The following GPRIN2 variants were observed in gnomAD, a reference collection of about 807,000 sequenced individuals.
GPRIN2 encodes the protein G protein-regulated inducer of neurite outgrowth 2.
In GPRIN2, 1 loss-of-function variant was observed where a neutral mutation model predicts 0.3. The observed-to-expected ratio is 3.90, with a 90% CI of 1.39 to 18.51. The LOEUF (loss-of-function observed/expected upper bound fraction) is 18.51. Ranked by LOEUF, GPRIN2 falls within the 30% of genes most tolerant of loss-of-function variation. The pLI is 0.11. For missense variants in GPRIN2, 880 were observed against 604.2 expected (o/e 1.46, Z -4.79); for synonymous variants, 361 against 258.6 (o/e 1.40, Z -3.80).
chr10:46,556,541 C>T lies in GPRIN2; in HGVS notation c.-161G>A, dbSNP rs1429087192. 1.3e-5 allele frequency among the ~76,000 whole-genome samples: 2 copies of T among 152,240 alleles called. No individual in the cohort carries two copies. The highest frequency in any genetic ancestry group is 4.8e-5 in the African/African-American group (2 of 41,466). On this transcript the variant is annotated 5_prime_UTR_variant, in exon 1 of 3. Transcript: ENST00000374314. ...CGCGCAGGCGGGGGAAGCGCTGCTC[C>T]TGCGGCCGCCACAGGTGCCAGGTGC... is the stretch of plus-strand genomic sequence containing the variant.
chr10:46,550,975 T>C (rs1464615997), intron 2 of GPRIN2, among the ~76,000 whole-genome samples: 4 of 152,306 alleles, frequency 2.6e-5, no homozygotes, highest in South Asian at 4.1e-4. Context: ...TCATCATCAG[T>C]CTCAAGCAGT....
rs1383173545 is a variant in GPRIN2, at chr10:46,542,852, G to T, written c.*6508C>A. Among the ~76,000 whole-genome samples, 1 of 152,310 alleles carries T rather than the reference G, an allele frequency of 6.6e-6. No homozygotes were observed. Among genetic ancestry groups the T allele is most frequent in the African/African-American group, 2.4e-5 (1 of 41,486 alleles). ...AACCCAATTACAAGCCATGCAAGAA[G>T]ATTCTGAAAACATGGATGAGGAGAT... is the stretch of plus-strand genomic sequence containing the variant. On this transcript the variant is annotated 3_prime_UTR_variant, in exon 3 of 3. Coordinates refer to ENST00000374314, the MANE Select transcript of GPRIN2 (RefSeq NM_001385282.1).
chr10:46,554,279 T>G (rs1314395411), intron 2 of GPRIN2, among the ~76,000 whole-genome samples: 1 of 152,312 alleles, frequency 6.6e-6, no homozygotes, highest in East Asian at 1.9e-4. Flanking sequence ...GTTAGCCTCC[T>G]CTAGCTTCCC....
intron 1 of GPRIN2, among the ~76,000 whole-genome samples, chr10:46,556,102 G>T (rs1170982863): frequency 6.6e-6 from 1 of 152,310 alleles, no homozygotes; most frequent in African/African-American, 2.4e-5. Context: ...GCTGTGGGCC[G>T]GGGTAATGAT....
At position 46,554,386 on chromosome 10, in the gene GPRIN2, G is replaced by A. The variant is rs1106660; in HGVS notation, c.-7+199C>T. 2.6e-5 allele frequency among the ~76,000 whole-genome samples: 4 copies of A among 152,090 alleles called. No individual in the cohort carries two copies. In the East Asian group the frequency reaches 7.7e-4, roughly 29 times the overall value. ...AGGTTTCCCAGAGCCTATTTTAAATGTTAACCTAGGAGGCTACGCATGCAT... is the reference window on the plus strand; with the variant it reads ...AGGTTTCCCAGAGCCTATTTTAAATATTAACCTAGGAGGCTACGCATGCAT... On this transcript the variant is annotated intron_variant, in intron 2 of 2. Transcript: ENST00000374314.
At position 46,550,619 on chromosome 10, in the gene GPRIN2, G is replaced by A. The variant is rs1832303294; in HGVS notation, c.118C>T (p.Arg40Cys). The stretch of plus-strand genomic sequence containing the variant: ...CACACGGTGCTGCTGGCAGTCTTGC[G>A]GAGCTCTGGCCTCTGTTCCCGGCCT... Reference protein sequence around the residue: ...GEGREQRPELRKTASSTVWQA... With the variant: ...GEGREQRPELCKTASSTVWQA... Residue 40 changes from arginine (R) to cysteine (C), a missense_variant, in exon 3 of 3, where the codon CGC becomes TGC. Transcript: ENST00000374314. 2.0e-5 allele frequency: 31 copies of A among 1,583,824 alleles called. No homozygotes were observed. The highest frequency in any genetic ancestry group is 9.4e-5 in the African/African-American group (7 of 74,422).
intron 1 of GPRIN2, chr10:46,555,227 A>C (rs1831928153): frequency 3.0e-4 from 46 of 154,376 alleles, no homozygotes; most frequent in Non-Finnish European, 6.0e-4. Flanking sequence ...GATTACAGGC[A>C]TGAGCCACAG....
chr10:46,551,459 T>C (rs1175523004), intron 2 of GPRIN2: 8 of 985,520 alleles, frequency 8.1e-6, no homozygotes, highest in Non-Finnish European at 9.6e-6. Context: ...ATCAGCTTTT[T>C]CCATGAGGGA....
At chr10:46,552,277 C>A (rs1183166466) in intron 2 of GPRIN2, among the ~76,000 whole-genome samples, 1 of 152,298 alleles carries the variant, frequency 6.6e-6, no homozygotes, top group African/African-American at 2.4e-5. Flanking sequence ...TGGGCCACCT[C>A]GGCCCTGGCC....
Position 46,546,943 on chromosome 10 carries a change from G to A in GPRIN2, c.*2417C>T, listed in dbSNP as rs1351274092. On this transcript the variant is annotated 3_prime_UTR_variant, in exon 3 of 3. Coordinates refer to ENST00000374314, the MANE Select transcript of GPRIN2 (RefSeq NM_001385282.1). ...GAGCCCAGCCCGGCCTGCCATCCTG[G>A]CAAGCCAGGGCAGCATGGAGGTAGC... 1.3e-5 allele frequency among the ~76,000 whole-genome samples: 2 copies of A among 152,310 alleles called. No homozygotes were observed. Among genetic ancestry groups the A allele is most frequent in the Non-Finnish European group, 2.9e-5 (2 of 68,058 alleles).
In GPRIN2 at chr10:46,545,588, A is replaced by G. The variant is rs1832938432; in HGVS notation, c.*3772T>C. On this transcript the variant is annotated 3_prime_UTR_variant, in exon 3 of 3. Coordinates refer to ENST00000374314, the MANE Select transcript of GPRIN2 (RefSeq NM_001385282.1). ...CTACATTTTCAGAAGCCCCAGCCAG[A>G]GGGCCAAGTCCCAGGCAGGGTGCAA... Among the ~76,000 whole-genome samples the G allele has an allele frequency of 0.024, 3,677 of 150,204 alleles. No individual in the cohort carries two copies. Among genetic ancestry groups the G allele is most frequent in the African/African-American group, 0.087 (3,436 of 39,542 alleles).
intron 1 of GPRIN2, among the ~76,000 whole-genome samples, chr10:46,554,954 C>CGTTT (rs1429330549): frequency 6.6e-6 from 1 of 152,306 alleles, no homozygotes. Context: ...TTTGTTCGTT[C>CGTTT]GTTTGTTTGT....
chr10:46,543,878 C>G lies in GPRIN2; in HGVS notation c.*5482G>C, dbSNP rs945233040. ...TGACCGCACAAGTGAGCAAAGGCGG[C>G]ATTCACCCAACTCTTGGGACAAGGC... On this transcript the variant is annotated 3_prime_UTR_variant, in exon 3 of 3. Transcript: ENST00000374314. Among the ~76,000 whole-genome samples, 1 of 152,276 alleles carries G rather than the reference C, an allele frequency of 6.6e-6. No homozygotes were observed. The highest frequency in any genetic ancestry group is 1.5e-5 in the Non-Finnish European group (1 of 68,056).
At chr10:46,554,516 T>A (rs1458054570) in intron 2 of GPRIN2, 69 bp downstream of exon 2, 1 of 152,754 alleles carries the variant, frequency 6.5e-6, no homozygotes, top group African/African-American at 2.4e-5. Flanking sequence ...CCTCGGAAGA[T>A]CTTTTAGGAC....
rs1225222441 is a variant in GPRIN2 at position 46,548,149 on chromosome 10, A to C, written c.*1211T>G. ...GGGGGCTGTGTCACGGGATCTTAGG[A>C]TCTTCAAGACAAAGACCCAGGACAA... On this transcript the variant is annotated 3_prime_UTR_variant, in exon 3 of 3. Coordinates refer to ENST00000374314, the MANE Select transcript of GPRIN2 (RefSeq NM_001385282.1). 1.4e-4 allele frequency among the ~76,000 whole-genome samples: 21 copies of C among 152,402 alleles called. No individual in the cohort carries two copies. The highest frequency in any genetic ancestry group is 6.2e-4 in the South Asian group (3 of 4,834).
chr10:46,548,541 C>G lies in GPRIN2; in HGVS notation c.*819G>C, dbSNP rs1842375484. 6.6e-6 allele frequency among the ~76,000 whole-genome samples: 1 copy of G among 152,308 alleles called. No individual in the cohort carries two copies. Among genetic ancestry groups the G allele is most frequent in the Non-Finnish European group, 1.5e-5 (1 of 68,054 alleles). ...CAGGCCAGCCTCTGACACAATGACC[C>G]TGGAAGCCTGGCAGCCCTCCGTAAT... On this transcript the variant is annotated 3_prime_UTR_variant, in exon 3 of 3. Coordinates refer to ENST00000374314, the MANE Select transcript of GPRIN2 (RefSeq NM_001385282.1).
intron 1 of GPRIN2, among the ~76,000 whole-genome samples, chr10:46,556,188 G>T (rs909117474): frequency 1.3e-5 from 2 of 152,310 alleles, no homozygotes; most frequent in African/African-American, 4.8e-5. Flanking sequence ...GAGGGGAAAA[G>T]GAAGAAGGGG....
In GPRIN2 at chr10:46,543,175, C is replaced by T. The variant is rs1283053828; in HGVS notation, c.*6185G>A. Reference sequence around the variant, plus strand: ...GACAGGTGGAGAGAAAGGGCCTAGACCCATGTAAATCACAAATGCCAAGAC... The same window carrying T: ...GACAGGTGGAGAGAAAGGGCCTAGATCCATGTAAATCACAAATGCCAAGAC... On this transcript the variant is annotated 3_prime_UTR_variant, in exon 3 of 3. Transcript: ENST00000374314. Among the ~76,000 whole-genome samples the T allele has an allele frequency of 6.6e-6, 1 of 152,428 alleles. No homozygotes were observed. The highest frequency in any genetic ancestry group is 2.4e-5 in the African/African-American group (1 of 41,610).
chr10:46,543,828 G>A lies in GPRIN2; in HGVS notation c.*5532C>T, dbSNP rs1211660912. 6.6e-6 allele frequency among the ~76,000 whole-genome samples: 1 copy of A among 152,310 alleles called. No individual in the cohort carries two copies. Among genetic ancestry groups the A allele is most frequent in the Non-Finnish European group, 1.5e-5 (1 of 68,058 alleles). On this transcript the variant is annotated 3_prime_UTR_variant, in exon 3 of 3. Transcript: ENST00000374314. ...GGGCTATCTCGGGCTTGGAGTGGGA[G>A]AAGCCAGGCAGGAGTCCTGGAGAGT...
Sources: gnomAD v4.1 joint callset for allele counts (sites outside exome capture counted in the v4.1 genomes callset) on GRCh38, gnomAD v4.1.1 for gene constraint, MANE v1.5 for transcripts, NCBI Gene and HGNC (gene_info 2026-07-23, HGNC 2026-07-21) for gene names.